The following EVC2 variants were observed in gnomAD, a reference collection of about 807,000 sequenced individuals.
EVC2 encodes limbin.
EVC2 carries 148 observed loss-of-function variants against 149.3 expected under a neutral mutation model. That is an observed-to-expected ratio of 0.99 (90% confidence interval 0.87 to 1.14). The LOEUF is 1.14. EVC2 is among the 50% of genes most tolerant of loss of function. EVC2 has a pLI of 0.00. For synonymous variants in EVC2, 776 were observed against 649.9 expected (o/e 1.19, Z -2.95); for missense variants, 1,854 against 1,627.3 (o/e 1.14, Z -2.40).
intron 10 of EVC2, among the ~76,000 whole-genome samples, chr4:5,634,581 C>T (rs1285921807): frequency 6.6e-6 from 1 of 152,034 alleles, no homozygotes; most frequent in African/African-American, 2.4e-5. Flanking sequence ...ATATCTCTGC[C>T]GAAGAATAAA....
At position 5,633,659 on chromosome 4, in the gene EVC2, G is replaced by A. The variant is rs1456607726; in HGVS notation, c.1471-1627C>T. On this transcript the variant is annotated intron_variant, in intron 10 of 21. Transcript: ENST00000344408. The surrounding 1 kb of genome is among the most constrained non-coding windows in gnomAD (Gnocchi z 4.4). ...ATGGCCAATAAAGGCCTGGCCTTGG[G>A]AAGCAGGCAGGTGTGGCATCATGCC... is the stretch of plus-strand genomic sequence containing the variant. Among the ~76,000 whole-genome samples the A allele has an allele frequency of 6.6e-6, 1 of 152,252 alleles. No homozygotes were observed. Among genetic ancestry groups the A allele is most frequent in the Admixed American group, 6.5e-5 (1 of 15,290 alleles).
intron 16 of EVC2, among the ~76,000 whole-genome samples, chr4:5,599,827 A>G (rs1466445573): frequency 1.3e-5 from 2 of 152,222 alleles, no homozygotes; most frequent in East Asian, 1.9e-4. Context: ...CAGAGCAGGT[A>G]AAAAGATGGG....
At chr4:5,573,404 A>G (rs1722746215) in intron 19 of EVC2, among the ~76,000 whole-genome samples, 1 of 152,198 alleles carries the variant, frequency 6.6e-6, no homozygotes, top group Admixed American at 6.5e-5. Flanking sequence ...AGGGCCAGAG[A>G]GATGCAATTT....
intron 9 of EVC2, among the ~76,000 whole-genome samples, chr4:5,660,571 T>C (rs1476086545): frequency 6.6e-6 from 1 of 152,208 alleles, no homozygotes; most frequent in Non-Finnish European, 1.5e-5. Flanking sequence ...ATTTTCAGTA[T>C]GCTTTCAATT....
At chr4:5,583,838 G>T (rs557444575) in intron 17 of EVC2, among the ~76,000 whole-genome samples, 57 of 149,586 alleles carry the variant, frequency 3.8e-4, no homozygotes, top group African/African-American at 1.4e-3. Flanking sequence ...TTTTGTTTAT[G>T]CTGTACTTCA....
At chr4:5,610,483 G>T (rs1415029333) in intron 16 of EVC2, among the ~76,000 whole-genome samples, 2 of 152,210 alleles carry the variant, frequency 1.3e-5, no homozygotes, top group Non-Finnish European at 2.9e-5. Flanking sequence ...TCTTCCTCCA[G>T]TGCTGGAGCA....
chr4:5,632,088 T>C, intron 10 of EVC2, 56 bp from the exon 11 acceptor site: 1 of 1,606,970 alleles, frequency 6.2e-7, no homozygotes. Flanking sequence ...TGCACCTACA[T>C]GTGCATGCAA....
upstream of EVC2, chr4:5,709,326 C>T (rs955501885): frequency 1.3e-5 from 2 of 152,234 alleles, no homozygotes; most frequent in Non-Finnish European, 1.5e-5. Context: ...GCTTCCTCAT[C>T]CCTGCCTAGG....
chr4:5,684,577 G>A lies in EVC2; in HGVS notation c.816+793C>T, dbSNP rs536872111. ...CCACATCTCCTCCAGCCTGTACCCG[G>A]GGTGTGCAGCACCTGCCAGGACAGG... On this transcript the variant is annotated intron_variant, in intron 6 of 21. Coordinates refer to ENST00000344408, the MANE Select transcript of EVC2 (RefSeq NM_147127.5). Among the ~76,000 whole-genome samples, 40 of 20,034 alleles carry A rather than the reference G, an allele frequency of 2.0e-3. No individual in the cohort carries two copies. In the East Asian group the frequency reaches 0.076, roughly 38 times the overall value. The allele number at this position is 20,034 out of a possible 152,430, so 13.1% of individuals were successfully genotyped here.
rs369807315 is a variant in EVC2, at chr4:5,657,635, T to C, written c.1145+5472A>G. ...TAGAGGCACCTACTGTGCCAGGCAC[T>C]GTTGGAGGCACTGGGGATGAATCAG... On this transcript the variant is annotated intron_variant, in intron 9 of 21. Transcript: ENST00000344408. The surrounding 1 kb of genome is among the most constrained non-coding windows in gnomAD (Gnocchi z 4.7). Among the ~76,000 whole-genome samples, 6 of 151,140 alleles carry C rather than the reference T, an allele frequency of 4.0e-5. No individual in the cohort carries two copies. Among genetic ancestry groups the C allele is most frequent in the African/African-American group, 1.5e-4 (6 of 41,210 alleles).
At chr4:5,596,001 C>T (rs1363687996) in intron 16 of EVC2, among the ~76,000 whole-genome samples, 9 of 152,284 alleles carry the variant, frequency 5.9e-5, no homozygotes, top group East Asian at 5.8e-4. Flanking sequence ...AAGGGATCAA[C>T]TCGACAAGAA....
intron 16 of EVC2, among the ~76,000 whole-genome samples, chr4:5,608,040 G>A (rs374400775): frequency 7.9e-5 from 12 of 152,104 alleles, no homozygotes; most frequent in South Asian, 4.2e-4. Context: ...CCACAGTCCC[G>A]GGCTATGGAG....
chr4:5,531,235 A>G, the EVC2 span, among the ~76,000 whole-genome samples: 1 of 152,160 alleles, frequency 6.6e-6, no homozygotes. Flanking sequence ...CTTCCCTTGT[A>G]TTACCCAGGG....
chr4:5,644,595 G>A (rs1717578094), intron 9 of EVC2, among the ~76,000 whole-genome samples: 1 of 152,124 alleles, frequency 6.6e-6, no homozygotes, highest in Non-Finnish European at 1.5e-5. Context: ...GAGCCACCGT[G>A]TCTGGCCACC....
At chr4:5,615,912 T>C (rs1318907562) in intron 15 of EVC2, among the ~76,000 whole-genome samples, 3 of 152,152 alleles carry the variant, frequency 2.0e-5, no homozygotes, top group Non-Finnish European at 4.4e-5. Context: ...CCCTGTTCTG[T>C]TCTTGCAATG....
rs1339378321 is a variant in EVC2, at chr4:5,689,325, C to A, written c.538G>T (p.Ala180Ser). Residue 180 changes from alanine (A) to serine (S), a missense_variant, in exon 5 of 22, where the codon GCA becomes TCA. Ala to Ser is a moderately conservative substitution (Grantham distance 99). Coordinates refer to ENST00000344408, the MANE Select transcript of EVC2 (RefSeq NM_147127.5). ...AGCAGCCATATGCGGGCTGTCTGTGCTTCACTCGACCCAGACACCTAGGGC... is the reference window on the plus strand; with the variant it reads ...AGCAGCCATATGCGGGCTGTCTGTGATTCACTCGACCCAGACACCTAGGGC... The part of the protein sequence containing the change: ...KCALVSGSSE[A>S]QTARIWLLVN... The A allele has an allele frequency of 6.2e-7, 1 of 1,613,990 alleles. No homozygotes were observed. The highest frequency in any genetic ancestry group is 8.5e-7 in the Non-Finnish European group (1 of 1,180,048).
the EVC2 span, among the ~76,000 whole-genome samples, chr4:5,534,278 G>A: frequency 2.0e-5 from 3 of 152,164 alleles, no homozygotes; most frequent in Non-Finnish European, 2.9e-5. Flanking sequence ...GGGAATTTGT[G>A]GGTGCTGTTC....
At chr4:5,556,657 A>C (rs1577090063) in intron 21 of EVC2, among the ~76,000 whole-genome samples, 1 of 152,296 alleles carries the variant, frequency 6.6e-6, no homozygotes, top group East Asian at 1.9e-4. Context: ...TGGTTCTCTG[A>C]AAACATCAAT....
In EVC2 at chr4:5,556,399, GA is replaced by G. The variant is rs1020662840; in HGVS notation, c.3419+8858del. 2.0e-4 allele frequency among the ~76,000 whole-genome samples: 30 copies of G among 152,008 alleles called. No individual in the cohort carries two copies. The South Asian group carries it at 6.0e-3, about 30-fold the overall frequency. ...AAAATATTCTGAACCACATGAAAAT[GA>G]AAATACAACTTATCCCAATTTGTAT... On this transcript the variant is annotated intron_variant and NMD_transcript_variant, in intron 21 of 22. Coordinates refer to the EVC2 transcript ENST00000475313.
Sources: gnomAD v4.1 joint callset for allele counts (sites outside exome capture counted in the v4.1 genomes callset) on GRCh38, gnomAD v4.1.1 for gene constraint, Gnocchi (gnomAD v3.1) non-coding constraint, MANE v1.5 for transcripts, NCBI Gene and HGNC (gene_info 2026-07-23, HGNC 2026-07-21) for gene names.